The following RPS6KA2 variants were observed in gnomAD, a reference collection of about 807,000 sequenced individuals.
The protein encoded by RPS6KA2 is ribosomal protein S6 kinase alpha-2.
RPS6KA2 carries 42 observed loss-of-function variants against 91.8 expected under a neutral mutation model. The observed-to-expected ratio is 0.46, with a 90% CI of 0.36 to 0.59. The LOEUF (loss-of-function observed/expected upper bound fraction) is 0.59, where lower values mean the gene tolerates loss of function less well. RPS6KA2 is among the 20% of genes least tolerant of loss of function. The pLI, the probability that RPS6KA2 is intolerant of heterozygous loss-of-function variation, is 0.00. For missense variants in RPS6KA2, 798 were observed against 978.5 expected (o/e 0.82, Z 2.46); for synonymous variants, 414 against 393.6 (o/e 1.05, Z -0.61).
At chr6:166,680,904 G>A (rs912016052) in intron 2 of RPS6KA2, among the ~76,000 whole-genome samples, 2 of 152,216 alleles carry the variant, frequency 1.3e-5, no homozygotes, top group African/African-American at 2.4e-5. Context: ...ATGCAGAATC[G>A]GAAAAGTTTC....
At chr6:166,759,066 CGTGTGT>C (rs3066763) in intron 2 of RPS6KA2, among the ~76,000 whole-genome samples, 3 of 151,478 alleles carry the variant, frequency 2.0e-5, no homozygotes, top group Non-Finnish European at 2.9e-5. Flanking sequence ...ATGTTGCATT[CGTGTGT>C]GTGTGTGTGT....
intron 3 of RPS6KA2, among the ~76,000 whole-genome samples, chr6:166,524,823 C>G (rs2128489300): frequency 6.6e-6 from 1 of 152,312 alleles, no homozygotes; most frequent in East Asian, 1.9e-4. Flanking sequence ...AGAGGCACCC[C>G]AAGATGACAC....
intron 1 of RPS6KA2, among the ~76,000 whole-genome samples, chr6:166,597,260 C>T (rs144318242): frequency 3.9e-5 from 6 of 152,302 alleles, no homozygotes; most frequent in Admixed American, 1.3e-4. Flanking sequence ...CGAGGCACCC[C>T]GTGAGGCCCC....
chr6:166,798,022 T>C (rs1264386488), intron 2 of RPS6KA2, among the ~76,000 whole-genome samples: 3 of 152,160 alleles, frequency 2.0e-5, no homozygotes, highest in Non-Finnish European at 4.4e-5. Flanking sequence ...ACCCGAATCA[T>C]CGATGTCACT....
intron 14 of RPS6KA2, among the ~76,000 whole-genome samples, chr6:166,441,866 T>TGACGGGG (rs1554273662): frequency 6.6e-6 from 1 of 152,200 alleles, no homozygotes; most frequent in Non-Finnish European, 1.5e-5. Context: ...CTGGAGCAGC[T>TGACGGGG]GCCGGGGGCC....
Position 166,821,956 on chromosome 6 carries a change from C to T in RPS6KA2, c.123+36244G>A, listed in dbSNP as rs1779915620. Among the ~76,000 whole-genome samples the T allele has an allele frequency of 6.6e-6, 1 of 152,170 alleles. No individual in the cohort carries two copies. The highest frequency in any genetic ancestry group is 6.5e-5 in the Admixed American group (1 of 15,280). On this transcript the variant is annotated intron_variant, in intron 2 of 21. Coordinates refer to the RPS6KA2 transcript ENST00000503859. The surrounding 1 kb of genome is among the most constrained non-coding windows in gnomAD (Gnocchi z 4.1). The stretch of plus-strand genomic sequence containing the variant: ...GGCACCATCCTGAATCCCTCTCCCT[C>T]AGCCTCCCATCAAATGCGTTGGCAA...
intron 2 of RPS6KA2, among the ~76,000 whole-genome samples, chr6:166,644,679 T>C (rs1407625352): frequency 3.9e-5 from 6 of 152,246 alleles, no homozygotes; most frequent in Admixed American, 6.5e-5. Flanking sequence ...GTGGTGTCCA[T>C]GTAGCATTAA....
chr6:166,623,980 C>T lies in RPS6KA2; in HGVS notation c.99+2941G>A, dbSNP rs574638168. On this transcript the variant is annotated intron_variant, in intron 1 of 20. Transcript: ENST00000265678. The stretch of plus-strand genomic sequence containing the variant: ...GGTTTAGCAAATGTTGGGTTATGGA[C>T]GTAAAATTTATTTTAAAATCAAGTA... Among the ~76,000 whole-genome samples, 8 of 151,434 alleles carry T rather than the reference C, an allele frequency of 5.3e-5. No homozygotes were observed. In the South Asian group the frequency reaches 1.2e-3, roughly 24 times the overall value.
Position 166,557,346 on chromosome 6 carries a change from C to T in RPS6KA2, c.100-18562G>A, listed in dbSNP as rs1336717945. Among the ~76,000 whole-genome samples the T allele has an allele frequency of 3.9e-5, 6 of 152,246 alleles. No homozygotes were observed. The highest frequency in any genetic ancestry group is 1.4e-4 in the African/African-American group (6 of 41,470). ...AACCTAAATCGACATAAACACGGTC[C>T]TGGCCACCACGTCCCCCACAGACTC... On this transcript the variant is annotated intron_variant, in intron 1 of 20. Coordinates refer to ENST00000265678, the MANE Select transcript of RPS6KA2 (RefSeq NM_021135.6). This position sits in a 1 kb window ranked among gnomAD's most constrained non-coding sequence, Gnocchi z 4.8.
chr6:166,455,821 C>T (rs1361146768), intron 12 of RPS6KA2, among the ~76,000 whole-genome samples: 1 of 152,220 alleles, frequency 6.6e-6, no homozygotes, highest in African/African-American at 2.4e-5. Flanking sequence ...GCCGCAGATT[C>T]TCCCCCGGAA....
chr6:166,574,949 T>C (rs1784796028), intron 1 of RPS6KA2, among the ~76,000 whole-genome samples: 1 of 152,096 alleles, frequency 6.6e-6, no homozygotes. Context: ...GGATCTACTT[T>C]TGTCAACAGA....
At position 166,849,973 on chromosome 6, in the gene RPS6KA2, C is replaced by A. The variant is rs1370658601; in HGVS notation, c.123+8227G>T. 6.6e-6 allele frequency among the ~76,000 whole-genome samples: 1 copy of A among 152,110 alleles called. No homozygotes were observed. The highest frequency in any genetic ancestry group is 1.5e-5 in the Non-Finnish European group (1 of 68,010). On this transcript the variant is annotated intron_variant, in intron 2 of 21. Coordinates refer to the RPS6KA2 transcript ENST00000503859. This position sits in a 1 kb window ranked among gnomAD's most constrained non-coding sequence, Gnocchi z 4.9. ...AGACTCCGGGTTCAGGAACGAGGGGCACTCACGCATGGCTCTGCTATGCCC... is the reference window on the plus strand; with the variant it reads ...AGACTCCGGGTTCAGGAACGAGGGGAACTCACGCATGGCTCTGCTATGCCC...
Position 166,726,530 on chromosome 6 carries a change from G to A in RPS6KA2, c.123+131670C>T, listed in dbSNP as rs16899320. On this transcript the variant is annotated intron_variant, in intron 2 of 21. Coordinates refer to the RPS6KA2 transcript ENST00000503859. This position sits in a 1 kb window ranked among gnomAD's most constrained non-coding sequence, Gnocchi z 4.4. ...ATGAAAGAAGGACATGCATCCTGCC[G>A]CCCATGTCAGACACACGTCCCTTGC... Among the ~76,000 whole-genome samples, 606 of 152,268 alleles carry A rather than the reference G, an allele frequency of 4.0e-3. 5 individuals carry two copies. Among genetic ancestry groups the A allele is most frequent in the African/African-American group, 0.013 (536 of 41,556 alleles).
intron 2 of RPS6KA2, among the ~76,000 whole-genome samples, chr6:166,667,422 CCTG>C (rs1426672841): frequency 2.6e-5 from 4 of 152,108 alleles, no homozygotes; most frequent in Non-Finnish European, 5.9e-5. Flanking sequence ...TACTAATTTG[CCTG>C]CTATTTTGTT....
intron 10 of RPS6KA2, among the ~76,000 whole-genome samples, chr6:166,478,971 C>G (rs7748165): frequency 0.27 from 41,314 of 152,128 alleles, 8,243 homozygotes; most frequent in African/African-American, 0.57. Context: ...GGGTGCGTGG[C>G]GTGGGTCTGA....
At chr6:166,501,607 G>A (rs1391689950) in intron 6 of RPS6KA2, among the ~76,000 whole-genome samples, 1 of 152,214 alleles carries the variant, frequency 6.6e-6, no homozygotes, top group Non-Finnish European at 1.5e-5. Flanking sequence ...TCCTGCCGTG[G>A]GGTGAACCCT....
Position 166,852,664 on chromosome 6 carries a change from CG to C in RPS6KA2, c.123+5535del, listed in dbSNP as rs1780774677. 8.5e-5 allele frequency among the ~76,000 whole-genome samples: 13 copies of C among 152,146 alleles called. No homozygotes were observed. In the South Asian group the frequency reaches 2.7e-3, roughly 32 times the overall value. ...ACTCGTCGAGGGGTCCAAGCAGCAA[CG>C]GCTCGGCAACTCCGGGAGCTGGGCA... On this transcript the variant is annotated intron_variant, in intron 2 of 21. Coordinates refer to the RPS6KA2 transcript ENST00000503859. The surrounding 1 kb of genome is among the most constrained non-coding windows in gnomAD (Gnocchi z 4.1).
intron 3 of RPS6KA2, among the ~76,000 whole-genome samples, chr6:166,520,014 T>C (rs755761387): frequency 7.2e-5 from 11 of 152,218 alleles, no homozygotes; most frequent in South Asian, 4.1e-4. Flanking sequence ...CTCCCCTATA[T>C]GGGCAGGCAC....
In RPS6KA2 at chr6:166,547,615, G is replaced by A. The variant is rs181879303; in HGVS notation, c.100-8831C>T. Reference sequence around the variant, plus strand: ...CTAGAAGATCAGAAGAGGCCATTCCGGCAGGCAGAGTGATGGCGGCAGCCG... The same window carrying A: ...CTAGAAGATCAGAAGAGGCCATTCCAGCAGGCAGAGTGATGGCGGCAGCCG... On this transcript the variant is annotated intron_variant, in intron 1 of 20. Transcript: ENST00000265678. Among the ~76,000 whole-genome samples, 8 of 152,372 alleles carry A rather than the reference G, an allele frequency of 5.3e-5. No individual in the cohort carries two copies. In the South Asian group the frequency reaches 6.2e-4, roughly 12 times the overall value.
Sources: allele counts gnomAD v4.1 joint callset (sites outside exome capture counted in the v4.1 genomes callset), GRCh38; gene constraint gnomAD v4.1.1; non-coding constraint Gnocchi (gnomAD v3.1); transcripts MANE v1.5; gene names NCBI Gene and HGNC (gene_info 2026-07-23, HGNC 2026-07-21).